The following NAE1 variants were observed in gnomAD, a reference collection of about 807,000 sequenced individuals.
The protein encoded by NAE1 is NEDD8 activating enzyme E1 subunit 1.
A neutral mutation model predicts 88.0 loss-of-function variants in NAE1; 59 were observed. The observed-to-expected ratio is 0.67, with a 90% confidence interval of 0.54 to 0.83. The LOEUF (loss-of-function observed/expected upper bound fraction) is 0.83. Among genes scored for constraint, NAE1 ranks in the 40% least tolerant of loss-of-function variants. NAE1 has a pLI of 0.00. For missense variants in NAE1, 554 were observed against 632.8 expected (o/e 0.88, Z 1.34); for synonymous variants, 186 against 208.9 (o/e 0.89, Z 0.95).
intron 19 of NAE1, among the ~76,000 whole-genome samples, chr16:66,803,966 CAAG>C (rs1314105821): frequency 6.6e-6 from 1 of 151,950 alleles, no homozygotes; most frequent in Non-Finnish European, 1.5e-5. Flanking sequence ...GGAAAAAAGA[CAAG>C]AAGATCCACT....
In NAE1 at chr16:66,830,918, G is replaced by T; in HGVS notation, c.-19C>A. The T allele has an allele frequency of 1.3e-6, 2 of 1,526,254 alleles. No homozygotes were observed. The highest frequency in any genetic ancestry group is 1.2e-5 in the South Asian group (1 of 83,064). The allele number at this position is 1,526,254 out of a possible 1,614,324, so 94.5% of individuals were successfully genotyped here. ...GCGCCATGGCCGCGCCTGCCGCGCG[G>T]AAAACAGCCGAGCCCCTGCGGAGCG... is the stretch of plus-strand genomic sequence containing the variant. On this transcript the variant is annotated 5_prime_UTR_variant, in exon 1 of 20. Coordinates refer to ENST00000290810, the MANE Select transcript of NAE1 (RefSeq NM_003905.4).
In NAE1 at chr16:66,824,837, T is replaced by C; in HGVS notation, c.249+18A>G. The C allele has an allele frequency of 6.2e-7, 1 of 1,602,512 alleles. No individual in the cohort carries two copies. On this transcript the variant is annotated intron_variant, in intron 4 of 19. Coordinates refer to ENST00000290810, the MANE Select transcript of NAE1 (RefSeq NM_003905.4). ...ATCATTAGATGCTCACATCCAACTA[T>C]ATTCTCTAATTGTTTACCTTGCCGA...
intron 15 of NAE1, 32 bp from the exon 16 acceptor site, chr16:66,809,107 G>A: frequency 6.7e-7 from 1 of 1,502,356 alleles, no homozygotes; most frequent in Non-Finnish European, 9.2e-7. Context: ...TGGAAGTAAT[G>A]ACTGTGACTG....
intron 3 of NAE1, among the ~76,000 whole-genome samples, chr16:66,825,442 G>A (rs1483495082): frequency 5.1e-5 from 7 of 138,228 alleles, no homozygotes; most frequent in African/African-American, 1.1e-4. Flanking sequence ...GAAAGACTCC[G>A]TCTCAAAAAA....
intron 10 of NAE1, 52 bp from the exon 11 acceptor site, chr16:66,816,724 G>T: frequency 7.2e-7 from 1 of 1,383,476 alleles, no homozygotes; most frequent in Non-Finnish European, 1.0e-6. Flanking sequence ...TCACTCTTCT[G>T]TTCCCCCATT....
chr16:66,811,252 C>A (rs947077199), intron 13 of NAE1, among the ~76,000 whole-genome samples: 2 of 152,052 alleles, frequency 1.3e-5, no homozygotes, highest in African/African-American at 4.8e-5. Flanking sequence ...CAACTTCCCA[C>A]GCTCAACTGA....
chr16:66,819,411 G>T (rs1269894845), intron 7 of NAE1, among the ~76,000 whole-genome samples: 2 of 152,210 alleles, frequency 1.3e-5, no homozygotes, highest in African/African-American at 2.4e-5. Context: ...ACAGGAGAGT[G>T]TATAATTTCA....
chr16:66,816,701 A>T, intron 10 of NAE1, 29 bp from the exon 11 acceptor site: 1 of 1,516,134 alleles, frequency 6.6e-7, no homozygotes, highest in South Asian at 1.1e-5. Context: ...GTTAGCAAAC[A>T]GCCCTTTTCT....
intron 9 of NAE1, 93 bp downstream of exon 9, chr16:66,817,332 A>G (rs752945164): frequency 9.0e-7 from 1 of 1,109,634 alleles, no homozygotes; most frequent in South Asian, 1.3e-5. Flanking sequence ...CCATAAGGAA[A>G]AAAAATTAAT....
In NAE1 at chr16:66,812,736, G is replaced by A. The variant is rs1271868154; in HGVS notation, c.1034+828C>T. ...GGGTTTCACCATGTTGGCCAGGATG[G>A]TCTTGATCTTCTGACCTTGTGATCC... On this transcript the variant is annotated intron_variant, in intron 13 of 19. Coordinates refer to ENST00000290810, the MANE Select transcript of NAE1 (RefSeq NM_003905.4). 2.0e-5 allele frequency among the ~76,000 whole-genome samples: 3 copies of A among 151,408 alleles called. No homozygotes were observed. The East Asian group carries it at 5.8e-4, about 29-fold the overall frequency.
At chr16:66,824,362 G>A (rs1479763645) in intron 4 of NAE1, among the ~76,000 whole-genome samples, 1 of 152,166 alleles carries the variant, frequency 6.6e-6, no homozygotes. Context: ...GGAGGCTGAA[G>A]CGGGTGGATC....
intron 13 of NAE1, among the ~76,000 whole-genome samples, chr16:66,810,977 C>T (rs145771534): frequency 2.0e-5 from 3 of 152,238 alleles, no homozygotes; most frequent in African/African-American, 7.2e-5. Flanking sequence ...TCTCAGTGCC[C>T]ACTAAAACCC....
chr16:66,809,431 A>T (rs183886322), intron 15 of NAE1, among the ~76,000 whole-genome samples: 166 of 152,338 alleles, frequency 1.1e-3, no homozygotes, highest in Non-Finnish European at 1.8e-3. Flanking sequence ...TGGCTCTAAA[A>T]ATAATAGTTT....
intron 3 of NAE1, among the ~76,000 whole-genome samples, chr16:66,825,930 C>T (rs1260510713): frequency 4.6e-5 from 7 of 152,134 alleles, no homozygotes; most frequent in East Asian, 3.9e-4. Context: ...ACTGGCACTA[C>T]GATCCAAAGA....
chr16:66,813,640 G>T lies in NAE1; in HGVS notation c.958C>A (p.Gln320Lys). The T allele has an allele frequency of 1.9e-6, 3 of 1,613,998 alleles. No homozygotes were observed. The highest frequency in any genetic ancestry group is 1.7e-6 in the Non-Finnish European group (2 of 1,179,936). ...GTGCCTCGAACAGGTAAATTTCCTT[G>T]ACCCTCTTTGGCCACAAATTCCTTT... Reference protein sequence around the residue: ...ALKEFVAKEGQGNLPVRGTIP... With the variant: ...ALKEFVAKEGKGNLPVRGTIP... Residue 320 changes from glutamine to lysine, a missense_variant, in exon 13 of 20, where the codon CAA becomes AAA. Physicochemically the swap from Gln to Lys is moderately conservative, Grantham distance 53. Transcript: ENST00000290810.
chr16:66,811,979 T>C (rs1296907572), intron 13 of NAE1, among the ~76,000 whole-genome samples: 1 of 152,178 alleles, frequency 6.6e-6, no homozygotes, highest in Non-Finnish European at 1.5e-5. Context: ...CTTTGCACCA[T>C]GCCCTAACTA....
intron 6 of NAE1, among the ~76,000 whole-genome samples, chr16:66,821,799 A>G (rs1960272158): frequency 6.6e-6 from 1 of 152,236 alleles, no homozygotes; most frequent in Admixed American, 6.5e-5. Context: ...TTAGTCTGTC[A>G]TATTAAGGAG....
chr16:66,830,894 C>G lies in NAE1; in HGVS notation c.6G>C (p.Ala2=), dbSNP rs779983881. Residue 2 remains alanine (A), a synonymous_variant, in exon 1 of 20, where the codon GCG becomes GCC. Transcript: ENST00000290810. ...GCTCCTTGAGCAGCTTTCCCAGCTG[C>G]GCCATGGCCGCGCCTGCCGCGCGGA... is the stretch of plus-strand genomic sequence containing the variant. M[A]QLGKLLKEQK... 3 of 1,535,648 alleles carry G rather than the reference C, an allele frequency of 2.0e-6. No homozygotes were observed. The highest frequency in any genetic ancestry group is 2.6e-6 in the Non-Finnish European group (3 of 1,150,098).
chr16:66,816,815 C>T (rs186887248), intron 10 of NAE1, 143 bp from the exon 11 acceptor site: 4 of 1,318,112 alleles, frequency 3.0e-6, no homozygotes, highest in African/African-American at 1.5e-5. Flanking sequence ...TAAAACTATA[C>T]AAGGCGTGGC....
Sources: allele counts gnomAD v4.1 joint callset (sites outside exome capture counted in the v4.1 genomes callset), GRCh38; gene constraint gnomAD v4.1.1; transcripts MANE v1.5; gene names NCBI Gene and HGNC (gene_info 2026-07-23, HGNC 2026-07-21).